The following ADGRL3 variants were observed in gnomAD, a reference collection of about 807,000 sequenced individuals.
ADGRL3 encodes the protein adhesion G protein-coupled receptor L3.
Under a neutral mutation model 153.5 loss-of-function variants are expected in ADGRL3, and 62 were observed. The observed-to-expected ratio is 0.40, with a 90% CI of 0.33 to 0.50. ADGRL3 has a LOEUF of 0.50. Among genes scored for constraint, ADGRL3 ranks in the 20% least tolerant of loss-of-function variants. ADGRL3 has a pLI of 0.47. For missense variants in ADGRL3, 1,641 were observed against 1,859.4 expected, an observed-to-expected ratio of 0.88 and a Z score of 2.16; for synonymous variants, 710 against 672.5, an observed-to-expected ratio of 1.06 and a Z score of -0.86.
chr4:61,873,060 G>C (rs1378051158), intron 9 of ADGRL3, among the ~76,000 whole-genome samples: 1 of 152,164 alleles, frequency 6.6e-6, no homozygotes, highest in Non-Finnish European at 1.5e-5. Context: ...CAAAGAGCAG[G>C]CTTGTTTTAC....
At chr4:61,441,139 A>G (rs1035569076) in intron 2 of ADGRL3, among the ~76,000 whole-genome samples, 1 of 152,134 alleles carries the variant, frequency 6.6e-6, no homozygotes, top group South Asian at 2.1e-4. Context: ...GGTATTTATT[A>G]TCTTTTTCTT....
intron 2 of ADGRL3, among the ~76,000 whole-genome samples, chr4:61,474,059 A>G (rs549150411): frequency 1.4e-4 from 22 of 152,140 alleles, no homozygotes; most frequent in Non-Finnish European, 2.4e-4. Flanking sequence ...TTACAGAAGT[A>G]GGGATTATTT....
At chr4:61,478,873 A>C (rs2098098442) in intron 2 of ADGRL3, among the ~76,000 whole-genome samples, 2 of 152,064 alleles carry the variant, frequency 1.3e-5, no homozygotes, top group African/African-American at 4.8e-5. Context: ...CACAAATTTT[A>C]TTTCAGTTAA....
At chr4:61,412,260 A>AT (rs1289416315) in intron 2 of ADGRL3, among the ~76,000 whole-genome samples, 2 of 151,830 alleles carry the variant, frequency 1.3e-5, no homozygotes, top group Non-Finnish European at 2.9e-5. Flanking sequence ...TTTTTAATAA[A>AT]TTTTTTTCAT....
intron 9 of ADGRL3, among the ~76,000 whole-genome samples, chr4:61,877,330 C>G (rs1204833693): frequency 1.3e-5 from 2 of 152,106 alleles, no homozygotes; most frequent in African/African-American, 4.8e-5. Flanking sequence ...TATAACATCC[C>G]TGAAACAGTG....
chr4:61,980,306 ATTTTTTTTTTT>A (rs756680977), intron 18 of ADGRL3, among the ~76,000 whole-genome samples: 1 of 74,430 alleles, frequency 1.3e-5, no homozygotes, highest in Non-Finnish European at 2.5e-5. Flanking sequence ...GTAACCACTA[ATTTTTTTTTTT>A]TTTTTTTTTT....
At position 62,070,596 on chromosome 4, in the gene ADGRL3, C is replaced by A; in HGVS notation, c.4320C>A (p.His1440Gln). Residue 1440 changes from histidine (H) to glutamine (Q), a missense_variant, in exon 27 of 27, where the codon CAC (histidine) becomes CAA (glutamine). Around this residue, in one of 5 missense-constraint regions of ADGRL3, gnomAD observed 517 missense variants for 555.0 expected, o/e 0.93. Coordinates refer to ENST00000683033, the MANE Select transcript of ADGRL3 (RefSeq NM_001387552.1). ...ESFFPLLTNE[H>Q]TEDLQSPHRD... ...TTTTCCCTTTGCTAACCAACGAGCA[C>A]ACAGAAGATCTCCAGTCACCCCATA... 6.4e-7 allele frequency: 1 copy of A among 1,551,704 alleles called. No individual in the cohort carries two copies. Among genetic ancestry groups the A allele is most frequent in the Non-Finnish European group, 8.7e-7 (1 of 1,147,014 alleles).
At chr4:62,037,624 A>G (rs1235634926) in intron 23 of ADGRL3, 107 bp from the exon 24 acceptor site, 2 of 1,176,664 alleles carry the variant, frequency 1.7e-6, no homozygotes, top group Non-Finnish European at 2.5e-6. Context: ...TCTGTAGGGC[A>G]AGGAAATAAT....
chr4:62,046,366 A>G (rs1465327044), intron 25 of ADGRL3, among the ~76,000 whole-genome samples: 2 of 151,920 alleles, frequency 1.3e-5, no homozygotes. Context: ...TATGAATGCA[A>G]ACTATTTATG....
At position 61,509,698 on chromosome 4, in the gene ADGRL3, T is replaced by G. The variant is rs77941889; in HGVS notation, c.56-7617T>G. 4.5e-3 allele frequency among the ~76,000 whole-genome samples: 680 copies of G among 152,276 alleles called. 7 individuals carry two copies. The highest frequency in any genetic ancestry group is 0.016 in the African/African-American group (648 of 41,572). On this transcript the variant is annotated intron_variant, in intron 3 of 26. Coordinates refer to ENST00000683033, the MANE Select transcript of ADGRL3 (RefSeq NM_001387552.1). ...AGCACTTGGGTTGATTCCATGTCTT[T>G]GCAATTATAAATAGTGCTGCAATGT... is the stretch of plus-strand genomic sequence containing the variant.
At chr4:61,416,930 A>G (rs1015037999) in intron 2 of ADGRL3, among the ~76,000 whole-genome samples, 2 of 152,150 alleles carry the variant, frequency 1.3e-5, no homozygotes, top group Non-Finnish European at 2.9e-5. Flanking sequence ...CTGAAACTAC[A>G]TGGTCCCATC....
intron 6 of ADGRL3, among the ~76,000 whole-genome samples, chr4:61,720,111 A>G (rs1291946330): frequency 6.8e-6 from 1 of 146,022 alleles, no homozygotes. Context: ...TTTTTCTGAG[A>G]CAGAGTCTCA....
chr4:61,300,904 A>T (rs1202368078), intron 1 of ADGRL3, among the ~76,000 whole-genome samples: 2 of 151,580 alleles, frequency 1.3e-5, no homozygotes, highest in African/African-American at 4.8e-5. Context: ...AGCTGGGATT[A>T]CAAGCGCCCA....
intron 1 of ADGRL3, among the ~76,000 whole-genome samples, chr4:61,300,498 A>G (rs566059309): frequency 6.6e-6 from 1 of 152,190 alleles, no homozygotes; most frequent in South Asian, 2.1e-4. Flanking sequence ...AGAGGCCATG[A>G]CATACTTGAA....
At chr4:61,909,797 G>A (rs1383593774) in intron 12 of ADGRL3, 52 bp downstream of exon 12, 3 of 1,333,002 alleles carry the variant, frequency 2.3e-6, no homozygotes. Flanking sequence ...GTGTGTGTGT[G>A]TGTGTCTTTA....
chr4:61,921,764 A>G (rs1201184387), intron 13 of ADGRL3, among the ~76,000 whole-genome samples: 1 of 152,122 alleles, frequency 6.6e-6, no homozygotes, highest in African/African-American at 2.4e-5. Flanking sequence ...CTATATTTTT[A>G]TACTGTTTCT....
chr4:61,341,640 T>C (rs1367920391), intron 1 of ADGRL3, among the ~76,000 whole-genome samples: 1 of 152,020 alleles, frequency 6.6e-6, no homozygotes, highest in African/African-American at 2.4e-5. Flanking sequence ...GCTTTTGTTA[T>C]TTCAAAATTT....
intron 11 of ADGRL3, among the ~76,000 whole-genome samples, chr4:61,896,735 A>G (rs1283620486): frequency 1.3e-5 from 2 of 152,146 alleles, no homozygotes; most frequent in Non-Finnish European, 2.9e-5. Flanking sequence ...CCTCTTACAT[A>G]TGCATCTCCG....
At chr4:61,714,538 A>G (rs1580416595) in intron 6 of ADGRL3, among the ~76,000 whole-genome samples, 1 of 152,126 alleles carries the variant, frequency 6.6e-6, no homozygotes, top group Non-Finnish European at 1.5e-5. Flanking sequence ...TTGTCTTTAC[A>G]CATTCTTCCC....
Sources: gnomAD v4.1 joint callset for allele counts (sites outside exome capture counted in the v4.1 genomes callset) on GRCh38, gnomAD v4.1.1 for gene constraint, gnomAD v4.1.1 regional missense constraint, MANE v1.5 for transcripts, NCBI Gene and HGNC (gene_info 2026-07-23, HGNC 2026-07-21) for gene names.